Variants in BRINP3 observed in about 807,000 individuals in gnomAD.
BRINP3 encodes BMP/retinoic acid inducible neural specific 3.
BRINP3 carries 19 observed loss-of-function variants against 71.0 expected under a neutral mutation model. That is an observed-to-expected ratio of 0.27 (90% confidence interval 0.19 to 0.39). The LOEUF is 0.39. Ranked by LOEUF, BRINP3 falls within the 10% of genes least tolerant of loss-of-function variation. The pLI is 1.00. For synonymous variants in BRINP3, 380 were observed against 337.7 expected (o/e 1.13, Z -1.37); for missense variants, 959 against 940.8 (o/e 1.02, Z -0.25).
At chr1:190,133,198 T>C (rs372096575) in intron 7 of BRINP3, among the ~76,000 whole-genome samples, 1 of 152,144 alleles carries the variant, frequency 6.6e-6, no homozygotes, top group African/African-American at 2.4e-5. Flanking sequence ...ATTTTATAGA[T>C]TATAGTAAGA....
intron 2 of BRINP3, among the ~76,000 whole-genome samples, chr1:190,388,849 A>C (rs1671072583): frequency 1.3e-5 from 2 of 151,854 alleles, no homozygotes; most frequent in Non-Finnish European, 2.9e-5. Context: ...TGAATAATCA[A>C]AATCATGCAA....
chr1:190,123,394 C>T (rs907180299), intron 7 of BRINP3, among the ~76,000 whole-genome samples: 5 of 152,100 alleles, frequency 3.3e-5, no homozygotes, highest in African/African-American at 1.2e-4. Context: ...CTTCTGCTGA[C>T]ATCTATGAAA....
intron 6 of BRINP3, among the ~76,000 whole-genome samples, chr1:190,196,577 G>A (rs530160677): frequency 8.6e-5 from 13 of 152,012 alleles, no homozygotes; most frequent in Non-Finnish European, 1.5e-4. Context: ...ATAAAGCAAT[G>A]GGTAAACATA....
chr1:190,131,032 A>G (rs535502409), intron 7 of BRINP3, among the ~76,000 whole-genome samples: 1 of 151,970 alleles, frequency 6.6e-6, no homozygotes, highest in African/African-American at 2.4e-5. Flanking sequence ...TATTGTGTTC[A>G]TTCATTACTC....
intron 2 of BRINP3, among the ~76,000 whole-genome samples, chr1:190,338,461 A>T (rs1269063728): frequency 6.6e-6 from 1 of 152,038 alleles, no homozygotes; most frequent in African/African-American, 2.4e-5. Context: ...TTCAACTCCT[A>T]TTGTCCAGAG....
At chr1:190,328,222 T>G (rs1012108925) in intron 2 of BRINP3, among the ~76,000 whole-genome samples, 4 of 151,922 alleles carry the variant, frequency 2.6e-5, no homozygotes, top group African/African-American at 9.7e-5. Flanking sequence ...TGGAACTGAA[T>G]AAAATTGAGA....
rs1430643132 is a variant in BRINP3 at position 190,454,597 on chromosome 1, A to G, written c.236+58T>C. 5 of 1,415,526 alleles carry G rather than the reference A, an allele frequency of 3.5e-6. No homozygotes were observed. In the Admixed American group the frequency reaches 9.8e-5, roughly 28 times the overall value. The allele number at this position is 1,415,526 out of a possible 1,614,324, so 87.7% of individuals were successfully genotyped here. On this transcript the variant is annotated intron_variant, in intron 2 of 7. Coordinates refer to ENST00000367462, the MANE Select transcript of BRINP3 (RefSeq NM_199051.3). ...CTGAAACTTTCCCTTAGAGAAACTTATGTATACACAACCTTCAAGGATGAT... is the reference window on the plus strand; with the variant it reads ...CTGAAACTTTCCCTTAGAGAAACTTGTGTATACACAACCTTCAAGGATGAT...
At chr1:190,281,462 TC>T in intron 3 of BRINP3, 97 bp downstream of exon 3, 1 of 1,124,038 alleles carries the variant, frequency 8.9e-7, no homozygotes, top group Non-Finnish European at 1.3e-6. Context: ...CTATAACTAT[TC>T]ATACTGTAGC....
chr1:190,152,683 T>C (rs1281971315), intron 7 of BRINP3, among the ~76,000 whole-genome samples: 1 of 151,916 alleles, frequency 6.6e-6, no homozygotes, highest in Non-Finnish European at 1.5e-5. Context: ...GGACAAAATG[T>C]TGAGGTACCG....
chr1:190,113,088 A>T (rs1284215153), intron 7 of BRINP3, among the ~76,000 whole-genome samples: 2 of 152,180 alleles, frequency 1.3e-5, no homozygotes, highest in Non-Finnish European at 1.5e-5. Context: ...TGCATATCGA[A>T]TTATATTGTA....
intron 6 of BRINP3, among the ~76,000 whole-genome samples, chr1:190,219,109 T>A (rs929830170): frequency 2.0e-5 from 3 of 151,950 alleles, no homozygotes; most frequent in Non-Finnish European, 2.9e-5. Context: ...CAGTAAAGAA[T>A]CACGGAGCAA....
chr1:190,352,986 T>C (rs1295026707), intron 2 of BRINP3, among the ~76,000 whole-genome samples: 3 of 151,668 alleles, frequency 2.0e-5, no homozygotes. Flanking sequence ...CACATGGGTG[T>C]TTGCTATTTA....
chr1:190,221,642 A>G (rs757912944), intron 6 of BRINP3, among the ~76,000 whole-genome samples: 23 of 152,150 alleles, frequency 1.5e-4, no homozygotes, highest in Non-Finnish European at 1.5e-5. Context: ...ATAAAGAAGT[A>G]AGACCCAACT....
At chr1:190,100,466 A>G (rs1248875333) in intron 7 of BRINP3, among the ~76,000 whole-genome samples, 12 of 152,180 alleles carry the variant, frequency 7.9e-5, no homozygotes, top group Admixed American at 7.9e-4. Flanking sequence ...GTAGAATGCC[A>G]GGAGATAACA....
At chr1:190,253,585 G>T (rs1284799911) in intron 4 of BRINP3, among the ~76,000 whole-genome samples, 1 of 152,150 alleles carries the variant, frequency 6.6e-6, no homozygotes, top group Admixed American at 6.5e-5. Flanking sequence ...TTTGAGAAGT[G>T]TCTGTTCATA....
intron 2 of BRINP3, among the ~76,000 whole-genome samples, chr1:190,452,675 A>T (rs1157041568): frequency 6.6e-6 from 1 of 152,098 alleles, no homozygotes; most frequent in Non-Finnish European, 1.5e-5. Context: ...CCTCACCAAC[A>T]TGAAATCCCG....
chr1:190,159,612 A>C (rs373050112), intron 7 of BRINP3, among the ~76,000 whole-genome samples: 5 of 152,200 alleles, frequency 3.3e-5, no homozygotes, highest in Non-Finnish European at 7.4e-5. Context: ...TTTACAGAAA[A>C]TGTCCAAAAT....
intron 3 of BRINP3, among the ~76,000 whole-genome samples, chr1:190,272,381 T>C (rs1662184704): frequency 6.6e-6 from 1 of 151,464 alleles, no homozygotes; most frequent in Admixed American, 6.6e-5. Flanking sequence ...GCACATCATC[T>C]CTCTACTTGT....
At chr1:190,205,164 A>C (rs1188122462) in intron 6 of BRINP3, among the ~76,000 whole-genome samples, 1 of 152,008 alleles carries the variant, frequency 6.6e-6, no homozygotes. Context: ...GGAGGCAGAC[A>C]CCAGTTGATC....
Sources: gnomAD v4.1 joint callset for allele counts (sites outside exome capture counted in the v4.1 genomes callset) on GRCh38, gnomAD v4.1.1 for gene constraint, MANE v1.5 for transcripts, NCBI Gene and HGNC (gene_info 2026-07-23, HGNC 2026-07-21) for gene names.